RSU1: variants seen among roughly 807,000 people sequenced by gnomAD.
The protein encoded by RSU1 is Ras suppressor protein 1.
Under a neutral mutation model 31.1 loss-of-function variants are expected in RSU1, and 26 were observed. The observed-to-expected ratio is 0.84, with a 90% confidence interval of 0.61 to 1.16. The LOEUF is 1.16. Among genes scored for constraint, RSU1 ranks in the 50% most tolerant of loss-of-function variants. The probability of loss-of-function intolerance (pLI) is 0.00; values close to 1 mark genes in which losing one functional copy is unlikely to be tolerated. For synonymous variants in RSU1, 164 were observed against 136.3 expected (o/e 1.20, Z -1.41); for missense variants, 320 against 339.1 (o/e 0.94, Z 0.44).
intron 2 of RSU1, among the ~76,000 whole-genome samples, chr10:16,791,837 T>G (rs1837922857): frequency 6.6e-6 from 1 of 152,142 alleles, no homozygotes; most frequent in Non-Finnish European, 1.5e-5. Context: ...TACAGACTCG[T>G]TCCCAAGGTG....
At chr10:16,630,292 G>T (rs895864625) in intron 8 of RSU1, among the ~76,000 whole-genome samples, 14 of 152,086 alleles carry the variant, frequency 9.2e-5, no homozygotes, top group African/African-American at 3.1e-4. Context: ...GCTAAATAAA[G>T]CTACCCATTT....
At position 16,782,041 on chromosome 10, in the gene RSU1, C is replaced by T. The variant is rs142216983; in HGVS notation, c.153G>A (p.Lys51=). The T allele has an allele frequency of 1.2e-4, 192 of 1,612,324 alleles. No individual in the cohort carries two copies. The highest frequency in any genetic ancestry group is 1.7e-4 in the Middle Eastern group (1 of 5,908). ...HITQLVLSHN[K]LTMVPPNIAE... Reference sequence around the variant, plus strand: ...ATGAGAAACATCACTTACTTGTTAGCTTGTTATGGCTGAGGACCAGTTGTG... The same window carrying T: ...ATGAGAAACATCACTTACTTGTTAGTTTGTTATGGCTGAGGACCAGTTGTG... The change falls in exon 3 of 9, where the codon AAG becomes AAA. Residue 51 remains lysine, a synonymous_variant. Coordinates refer to ENST00000345264, the MANE Select transcript of RSU1 (RefSeq NM_012425.4).
At chr10:16,707,875 TTTTGA>T (rs1281382635) in intron 7 of RSU1, among the ~76,000 whole-genome samples, 1 of 152,126 alleles carries the variant, frequency 6.6e-6, no homozygotes, top group African/African-American at 2.4e-5. Flanking sequence ...TTTTAATCTG[TTTTGA>T]TTTTTCTTTT....
At chr10:16,681,755 T>C (rs1172182957) in intron 8 of RSU1, among the ~76,000 whole-genome samples, 4 of 152,134 alleles carry the variant, frequency 2.6e-5, no homozygotes, top group Non-Finnish European at 5.9e-5. Flanking sequence ...ACCTCTAAGA[T>C]GAGTAATCTA....
chr10:16,745,351 T>C (rs1588508245), intron 7 of RSU1, among the ~76,000 whole-genome samples: 1 of 152,228 alleles, frequency 6.6e-6, no homozygotes, highest in East Asian at 1.9e-4. Flanking sequence ...ACATGAGGTG[T>C]AGAAGGGAGG....
At chr10:16,719,424 A>G (rs1311431266) in intron 7 of RSU1, among the ~76,000 whole-genome samples, 1 of 152,100 alleles carries the variant, frequency 6.6e-6, no homozygotes, top group Non-Finnish European at 1.5e-5. Flanking sequence ...TATCACCCAA[A>G]CACACCATGG....
intron 2 of RSU1, among the ~76,000 whole-genome samples, chr10:16,791,849 C>T (rs557368133): frequency 2.6e-5 from 4 of 152,188 alleles, no homozygotes; most frequent in African/African-American, 7.2e-5. Flanking sequence ...CCCAAGGTGG[C>T]CCAACTTATC....
chr10:16,651,055 A>G lies in RSU1; in HGVS notation c.731+43968T>C, dbSNP rs183442692. The stretch of plus-strand genomic sequence containing the variant: ...ATCTTTATTAGATAAATTAATTTTT[A>G]TTGTCACATATTCAAGATGATCTGC... On this transcript the variant is annotated intron_variant, in intron 8 of 8. Coordinates refer to ENST00000345264, the MANE Select transcript of RSU1 (RefSeq NM_012425.4). 8.6e-3 allele frequency among the ~76,000 whole-genome samples: 1,306 copies of G among 152,292 alleles called. 7 individuals carry two copies. The highest frequency in any genetic ancestry group is 0.013 in the Non-Finnish European group (902 of 68,020).
At position 16,683,627 on chromosome 10, in the gene RSU1, A is replaced by G. The variant is rs529759351; in HGVS notation, c.731+11396T>C. Among the ~76,000 whole-genome samples, 12 of 152,316 alleles carry G rather than the reference A, an allele frequency of 7.9e-5. No individual in the cohort carries two copies. In the East Asian group the frequency reaches 1.4e-3, roughly 17 times the overall value. On this transcript the variant is annotated intron_variant, in intron 8 of 8. Transcript: ENST00000345264. Reference sequence around the variant, plus strand: ...GTTGAAGTCCTAACCTCCTAACAAAAAGAGGAGAAACTCTGTAAAATATTT... The same window carrying G: ...GTTGAAGTCCTAACCTCCTAACAAAGAGAGGAGAAACTCTGTAAAATATTT...
chr10:16,777,274 A>T (rs989013833), intron 3 of RSU1, among the ~76,000 whole-genome samples: 2 of 152,238 alleles, frequency 1.3e-5, no homozygotes, highest in Non-Finnish European at 2.9e-5. Flanking sequence ...TAAAAAAAAA[A>T]ACTCAAATAT....
At chr10:16,787,633 G>C (rs1411287569) in intron 2 of RSU1, among the ~76,000 whole-genome samples, 1 of 152,198 alleles carries the variant, frequency 6.6e-6, no homozygotes, top group African/African-American at 2.4e-5. Flanking sequence ...TCGTGTGACA[G>C]TAAATAAGTC....
intron 3 of RSU1, among the ~76,000 whole-genome samples, chr10:16,774,279 T>C (rs1837484694): frequency 1.3e-5 from 2 of 152,176 alleles, no homozygotes; most frequent in South Asian, 4.1e-4. Context: ...TTAAAAATCA[T>C]CTAAAGTTTT....
At chr10:16,791,635 C>CAAAAAAAAAAAAAAAA (rs553951655) in intron 2 of RSU1, among the ~76,000 whole-genome samples, 1 of 98,482 alleles carries the variant, frequency 1.0e-5, no homozygotes. Context: ...CTCAAAAAAA[C>CAAAAAAAAAAAAAAAA]AAAAAAAAAA....
At chr10:16,663,000 T>A (rs540463660) in intron 8 of RSU1, among the ~76,000 whole-genome samples, 1 of 150,970 alleles carries the variant, frequency 6.6e-6, no homozygotes, top group African/African-American at 2.4e-5. Context: ...CCCTCTAAGT[T>A]TGAAAGGATG....
chr10:16,599,764 C>T (rs763218672), intron 8 of RSU1, among the ~76,000 whole-genome samples: 3 of 152,232 alleles, frequency 2.0e-5, no homozygotes, highest in Non-Finnish European at 4.4e-5. Context: ...CAACTCCTTC[C>T]ACCTCTTGCA....
intron 7 of RSU1, among the ~76,000 whole-genome samples, chr10:16,706,497 T>G (rs1327473818): frequency 6.6e-6 from 1 of 152,234 alleles, no homozygotes; most frequent in Non-Finnish European, 1.5e-5. Flanking sequence ...ATACTCTAAA[T>G]TTTAATCCTT....
chr10:16,774,157 G>A (rs1393546805), intron 3 of RSU1, among the ~76,000 whole-genome samples: 1 of 151,466 alleles, frequency 6.6e-6, no homozygotes. Flanking sequence ...TCAACCCTGG[G>A]AGCTACAGGA....
At chr10:16,817,115 G>A (rs1838555394) in intron 1 of RSU1, 31 bp from the exon 2 acceptor site, 4 of 1,483,876 alleles carry the variant, frequency 2.7e-6, no homozygotes, top group African/African-American at 1.4e-5. Context: ...GCACGTGGGC[G>A]ATGACAGCAA....
chr10:16,707,611 A>C (rs1412199023), intron 7 of RSU1, among the ~76,000 whole-genome samples: 1 of 150,544 alleles, frequency 6.6e-6, no homozygotes, highest in Non-Finnish European at 1.5e-5. Flanking sequence ...TATGTTCTGA[A>C]TATTAACCTC....
Sources: allele counts gnomAD v4.1 joint callset (sites outside exome capture counted in the v4.1 genomes callset), GRCh38; gene constraint gnomAD v4.1.1; transcripts MANE v1.5; gene names NCBI Gene and HGNC (gene_info 2026-07-23, HGNC 2026-07-21).